Variants in POLN observed in about 807,000 individuals in gnomAD.
POLN encodes the protein DNA polymerase N.
In POLN, 108 loss-of-function variants were observed where a neutral mutation model predicts 113.5. The observed-to-expected ratio is 0.95, with a 90% CI of 0.81 to 1.12. The LOEUF (loss-of-function observed/expected upper bound fraction) is 1.12, where lower values mean the gene tolerates loss of function less well. Among genes scored for constraint, POLN ranks in the 50% most tolerant of loss-of-function variants. The probability of loss-of-function intolerance (pLI) is 0.00; values close to 1 mark genes in which losing one functional copy is unlikely to be tolerated. For synonymous variants in POLN, 386 were observed against 391.5 expected, an observed-to-expected ratio of 0.99 and a Z score of 0.17; for missense variants, 1,097 against 1,077.1, an observed-to-expected ratio of 1.02 and a Z score of -0.26.
At position 2,171,194 on chromosome 4, in the gene POLN, TAC is replaced by T; in HGVS notation, c.1375-15_1375-14del. On this transcript the variant is annotated splice_polypyrimidine_tract_variant and intron_variant, in intron 11 of 25. Transcript: ENST00000511885. ...CCTTGAGACGAGCCTGAAAATATGA[TAC>T]ACACAATTAATTTCATTCATAGTTT... The T allele has an allele frequency of 6.3e-7, 1 of 1,589,862 alleles. No individual in the cohort carries two copies. Among genetic ancestry groups the T allele is most frequent in the African/African-American group, 1.3e-5 (1 of 74,148 alleles).
chr4:2,090,621 G>A (rs182686649), intron 20 of POLN: 27 of 409,716 alleles, frequency 6.6e-5, no homozygotes, highest in African/African-American at 4.6e-4. Flanking sequence ...GGGCCATGAC[G>A]GTGGAGAGGG....
intron 11 of POLN, 35 bp from the exon 12 acceptor site, chr4:2,171,216 T>G (rs552493784): frequency 6.4e-7 from 1 of 1,551,896 alleles, no homozygotes; most frequent in Admixed American, 1.8e-5. Flanking sequence ...ATTTCATTCA[T>G]AGTTTTCACA....
intron 2 of POLN, chr4:2,232,311 C>T: frequency 2.1e-6 from 1 of 478,982 alleles, no homozygotes; most frequent in Admixed American, 4.1e-5. Flanking sequence ...AAATCCATAA[C>T]AGGTTTAATA....
chr4:2,111,291 T>C (rs1168199635), intron 19 of POLN, among the ~76,000 whole-genome samples: 1 of 152,090 alleles, frequency 6.6e-6, no homozygotes, highest in Non-Finnish European at 1.5e-5. Flanking sequence ...TCATACTGAA[T>C]GGACAAAAAC....
intron 4 of POLN, 107 bp downstream of exon 4, chr4:2,212,940 T>C (rs1380386175): frequency 1.7e-6 from 1 of 604,970 alleles, no homozygotes; most frequent in Non-Finnish European, 2.5e-6. Context: ...TTTTTTTTTT[T>C]TAAGGTGTGG....
intron 16 of POLN, among the ~76,000 whole-genome samples, chr4:2,150,120 A>G (rs896302685): frequency 1.3e-5 from 2 of 152,014 alleles, no homozygotes; most frequent in African/African-American, 4.8e-5. Flanking sequence ...AAAACAAAAC[A>G]AAACAAAAAG....
At position 2,170,673 on chromosome 4, in the gene POLN, C is replaced by G. The variant is rs189543362; in HGVS notation, c.1554+6G>C. 4.7e-4 allele frequency: 754 copies of G among 1,609,568 alleles called. 4 individuals carry two copies. The African/African-American group carries it at 8.0e-3, about 17-fold the overall frequency. On this transcript the variant is annotated splice_donor_region_variant and intron_variant, in intron 13 of 25. Transcript: ENST00000511885. ...AAAAAGAAAAAGGATAACTCTGAAA[C>G]CTTACCACTGCTTCTGATGTAGACG...
At chr4:2,221,642 T>C (rs1734255593) in intron 3 of POLN, among the ~76,000 whole-genome samples, 3 of 152,178 alleles carry the variant, frequency 2.0e-5, no homozygotes, top group Non-Finnish European at 4.4e-5. Context: ...AGTGGTGTGA[T>C]CTTGGCTCAC....
At chr4:2,162,502 C>CA (rs1732624557) in intron 13 of POLN, among the ~76,000 whole-genome samples, 1 of 152,190 alleles carries the variant, frequency 6.6e-6, no homozygotes, top group African/African-American at 2.4e-5. Context: ...AAGAACCCAC[C>CA]AATTCCGGAC....
At chr4:2,085,571 G>A (rs752871794) in intron 21 of POLN, 42 bp downstream of exon 21, 8 of 1,610,110 alleles carry the variant, frequency 5.0e-6, no homozygotes, top group Middle Eastern at 3.8e-4. Context: ...CTCCCACAGA[G>A]GGTTGGCAGG....
intron 3 of POLN, among the ~76,000 whole-genome samples, chr4:2,221,233 G>C (rs911249004): frequency 6.6e-6 from 1 of 151,872 alleles, no homozygotes; most frequent in African/African-American, 2.4e-5. Flanking sequence ...CACCTCCCAA[G>C]CTCAAGCAAC....
chr4:2,090,717 G>T, intron 20 of POLN: 1 of 197,672 alleles, frequency 5.1e-6, no homozygotes. Flanking sequence ...TTTTTAAAGG[G>T]GCACTTAGTT....
chr4:2,165,931 C>T (rs1050883631), intron 13 of POLN, among the ~76,000 whole-genome samples: 2 of 152,088 alleles, frequency 1.3e-5, no homozygotes, highest in Non-Finnish European at 2.9e-5. Flanking sequence ...TGTGCACCAC[C>T]ATACCTGGCT....
intron 7 of POLN, among the ~76,000 whole-genome samples, chr4:2,190,531 C>T (rs567703273): frequency 6.0e-5 from 9 of 150,824 alleles, no homozygotes; most frequent in African/African-American, 2.2e-4. Flanking sequence ...CAAAAACAGA[C>T]AAATGAAATT....
rs1267532712 is a variant in POLN at position 2,229,254 on chromosome 4, G to C, written c.-12-11C>G. The C allele has an allele frequency of 2.5e-6, 4 of 1,571,614 alleles. No homozygotes were observed. The highest frequency in any genetic ancestry group is 3.5e-6 in the Non-Finnish European group (4 of 1,155,674). On this transcript the variant is annotated splice_polypyrimidine_tract_variant and intron_variant, in intron 2 of 25. Transcript: ENST00000511885. Reference sequence around the variant, plus strand: ...CATTTTCACAAAATCCTAAATGTAAGATTAACATAAGATAAATCCCATATA... The same window carrying C: ...CATTTTCACAAAATCCTAAATGTAACATTAACATAAGATAAATCCCATATA...
intron 7 of POLN, among the ~76,000 whole-genome samples, chr4:2,184,724 T>A (rs936199362): frequency 1.3e-5 from 2 of 152,144 alleles, no homozygotes; most frequent in Non-Finnish European, 2.9e-5. Flanking sequence ...GAGCAGGAAA[T>A]GCACAAGATG....
At chr4:2,145,254 G>A (rs1395890120) in intron 16 of POLN, among the ~76,000 whole-genome samples, 1 of 152,012 alleles carries the variant, frequency 6.6e-6, no homozygotes, top group Non-Finnish European at 1.5e-5. Context: ...AAGTAAGATA[G>A]GGTTCCTTAA....
intron 17 of POLN, among the ~76,000 whole-genome samples, chr4:2,130,415 T>G (rs1327800536): frequency 6.6e-6 from 1 of 152,196 alleles, no homozygotes; most frequent in African/African-American, 2.4e-5. Context: ...GGAGCGCCAC[T>G]GCCAAGGGTA....
intron 2 of POLN, among the ~76,000 whole-genome samples, chr4:2,233,735 AGT>A (rs1478445212): frequency 6.6e-6 from 1 of 152,206 alleles, no homozygotes; most frequent in African/African-American, 2.4e-5. Flanking sequence ...GATCTTTTCT[AGT>A]AAGTATGAAA....
Sources: allele counts gnomAD v4.1 joint callset (sites outside exome capture counted in the v4.1 genomes callset), GRCh38; gene constraint gnomAD v4.1.1; transcripts MANE v1.5; gene names NCBI Gene and HGNC (gene_info 2026-07-23, HGNC 2026-07-21).